The following CSMD1 variants were observed in gnomAD, a reference collection of about 807,000 sequenced individuals.
The protein encoded by CSMD1 is CUB and Sushi multiple domains 1.
In CSMD1, 213 loss-of-function variants were observed where a neutral mutation model predicts 417.5. The observed-to-expected ratio is 0.51, with a 90% CI of 0.46 to 0.57. The LOEUF is 0.57. Among genes scored for constraint, CSMD1 ranks in the 20% least tolerant of loss-of-function variants. The pLI, the probability that CSMD1 is intolerant of heterozygous loss-of-function variation, is 0.00. For synonymous variants in CSMD1, 2,862 were observed against 1,736.8 expected (o/e 1.65, Z -16.11); for missense variants, 6,923 against 4,529.7 (o/e 1.53, Z -15.17).
intron 3 of CSMD1, among the ~76,000 whole-genome samples, chr8:4,340,532 A>G (rs914098242): frequency 2.0e-5 from 3 of 152,072 alleles, no homozygotes; most frequent in African/African-American, 7.2e-5. Flanking sequence ...TATATGTCAG[A>G]TGAATCAAAG....
In CSMD1 at chr8:4,530,314, C is replaced by CTTTTTTTTTTTTTTTT. The variant is rs759268228; in HGVS notation, c.302+107012_302+107027dup. Among the ~76,000 whole-genome samples the CTTTTTTTTTTTTTTTT allele has an allele frequency of 1.1e-3, 52 of 46,686 alleles. 13 individuals are homozygous for CTTTTTTTTTTTTTTTT. The highest frequency in any genetic ancestry group is 1.5e-3 in the East Asian group (2 of 1,350). 30.6% of individuals were successfully genotyped at this position (46,686 alleles called of 152,430 possible). On this transcript the variant is annotated intron_variant, in intron 2 of 69. Transcript: ENST00000635120. ...TTCACAGTTTATCGTACAGGTAGTG[C>CTTTTTTTTTTTTTTTT]TTTTTTTTTTTTTTTTTTTTTTTTT...
intron 2 of CSMD1, among the ~76,000 whole-genome samples, chr8:4,551,534 A>G (rs1174756347): frequency 6.6e-6 from 1 of 152,090 alleles, no homozygotes; most frequent in Non-Finnish European, 1.5e-5. Context: ...AACCATCCCT[A>G]TGGTCTTCCC....
rs760248218 is a variant in CSMD1, at chr8:4,761,862, TCTATCTATCTATCTATCTATCTATCTAC to T, written c.86-124332_86-124305del. On this transcript the variant is annotated intron_variant, in intron 1 of 69. Transcript: ENST00000635120. ...ATCTATCTATCTATCTATCTATCTATCTATCTATCTATCTATCTATCTATCTACCTACCTATCTATCTATCTATCAATC... is the reference window on the plus strand; with the variant it reads ...ATCTATCTATCTATCTATCTATCTATCTACCTATCTATCTATCTATCAATC... 2.4e-3 allele frequency among the ~76,000 whole-genome samples: 202 copies of T among 83,402 alleles called. 2 individuals are homozygous for T. The highest frequency in any genetic ancestry group is 3.7e-3 in the Non-Finnish European group (150 of 40,500). The allele number at this position is 83,402 out of a possible 152,430, so 54.7% of individuals were successfully genotyped here.
chr8:3,816,798 A>C (rs557742422), intron 5 of CSMD1, among the ~76,000 whole-genome samples: 1 of 152,218 alleles, frequency 6.6e-6, no homozygotes, highest in African/African-American at 2.4e-5. Flanking sequence ...GGTATACTGT[A>C]TATAGGGTTT....
chr8:3,877,131 T>G (rs964169725), intron 5 of CSMD1, among the ~76,000 whole-genome samples: 1 of 152,178 alleles, frequency 6.6e-6, no homozygotes, highest in Admixed American at 6.5e-5. Context: ...AGCAGGCGAA[T>G]TTTGCACTTT....
chr8:4,334,817 C>T (rs187393344), intron 3 of CSMD1, among the ~76,000 whole-genome samples: 5 of 152,114 alleles, frequency 3.3e-5, no homozygotes, highest in South Asian at 2.1e-4. Context: ...GCCATATATT[C>T]GGAGGTTTTT....
chr8:3,166,515 C>A (rs535121222), intron 37 of CSMD1, among the ~76,000 whole-genome samples: 2 of 152,090 alleles, frequency 1.3e-5, no homozygotes, highest in Non-Finnish European at 2.9e-5. Context: ...GCCTGGGCAA[C>A]AGAGCGAGAC....
At chr8:3,628,969 G>C (rs1041541078) in intron 7 of CSMD1, among the ~76,000 whole-genome samples, 1 of 152,060 alleles carries the variant, frequency 6.6e-6, no homozygotes, top group Non-Finnish European at 1.5e-5. Flanking sequence ...AAAAGATAAA[G>C]AAGGGAAGGA....
chr8:4,028,894 G>C (rs1045602216), intron 4 of CSMD1, among the ~76,000 whole-genome samples: 1 of 152,204 alleles, frequency 6.6e-6, no homozygotes, highest in Non-Finnish European at 1.5e-5. Flanking sequence ...AAACCTAAGA[G>C]TTGAAGTATG....
intron 5 of CSMD1, among the ~76,000 whole-genome samples, chr8:3,778,777 T>A (rs1406820262): frequency 3.3e-5 from 5 of 152,242 alleles, no homozygotes. Flanking sequence ...TTGGGTATCA[T>A]GGAGCCTTGT....
At chr8:3,812,358 C>G (rs1801136354) in intron 5 of CSMD1, among the ~76,000 whole-genome samples, 1 of 152,098 alleles carries the variant, frequency 6.6e-6, no homozygotes, top group African/African-American at 2.4e-5. Flanking sequence ...TTGTCCTCAG[C>G]CTCTATACCA....
chr8:3,600,496 G>A (rs920472773), intron 8 of CSMD1, among the ~76,000 whole-genome samples: 17 of 152,158 alleles, frequency 1.1e-4, no homozygotes, highest in African/African-American at 3.9e-4. Context: ...GAAAAGGGAC[G>A]CCAAGTGTCA....
At chr8:3,522,336 T>C (rs1797542854) in intron 10 of CSMD1, among the ~76,000 whole-genome samples, 1 of 152,256 alleles carries the variant, frequency 6.6e-6, no homozygotes, top group Non-Finnish European at 1.5e-5. Context: ...AAAGGATATC[T>C]TTTGACTTAA....
chr8:2,979,277 G>T (rs969692676), intron 54 of CSMD1, among the ~76,000 whole-genome samples: 1 of 152,180 alleles, frequency 6.6e-6, no homozygotes, highest in African/African-American at 2.4e-5. Flanking sequence ...TATGTAGAAC[G>T]CAACTAAAAA....
At chr8:4,725,913 G>A (rs79103394) in intron 1 of CSMD1, among the ~76,000 whole-genome samples, 3,152 of 152,086 alleles carry the variant, frequency 0.021, 66 homozygotes, top group Middle Eastern at 0.031. Flanking sequence ...TTCCAGGGGG[G>A]GTTACTTTGA....
At chr8:4,352,405 G>C (rs370495449) in intron 3 of CSMD1, among the ~76,000 whole-genome samples, 1 of 152,104 alleles carries the variant, frequency 6.6e-6, no homozygotes, top group Non-Finnish European at 1.5e-5. Context: ...CAGAAAATGA[G>C]AACACCAGTA....
intron 2 of CSMD1, among the ~76,000 whole-genome samples, chr8:4,600,691 G>A (rs928011244): frequency 5.9e-5 from 9 of 152,074 alleles, no homozygotes; most frequent in African/African-American, 2.2e-4. Flanking sequence ...CAAAAATAGG[G>A]GAATGGCATT....
At chr8:4,573,196 G>A (rs1324659400) in intron 2 of CSMD1, among the ~76,000 whole-genome samples, 1 of 152,182 alleles carries the variant, frequency 6.6e-6, no homozygotes, top group East Asian at 1.9e-4. Context: ...AGGAGAAGAG[G>A]CATTCTGGTT....
chr8:4,347,395 T>C (rs1024128241), intron 3 of CSMD1, among the ~76,000 whole-genome samples: 1 of 152,160 alleles, frequency 6.6e-6, no homozygotes, highest in Non-Finnish European at 1.5e-5. Flanking sequence ...ATCTAAGACA[T>C]TATCATTTAA....
Sources: allele counts gnomAD v4.1 joint callset (sites outside exome capture counted in the v4.1 genomes callset), GRCh38; gene constraint gnomAD v4.1.1; transcripts MANE v1.5; gene names NCBI Gene and HGNC (gene_info 2026-07-23, HGNC 2026-07-21).